Variants in IQSEC3 observed in about 807,000 individuals in gnomAD.
IQSEC3 encodes IQ motif and SEC7 domain-containing protein 3.
In IQSEC3, 50 loss-of-function variants were observed where a neutral mutation model predicts 105.4. The observed-to-expected ratio is 0.47, with a 90% confidence interval of 0.38 to 0.60. The LOEUF is 0.60. Ranked by LOEUF, IQSEC3 falls within the 20% of genes least tolerant of loss-of-function variation. The pLI is 0.00. For missense variants in IQSEC3, 1,415 were observed against 1,630.0 expected, an observed-to-expected ratio of 0.87 and a Z score of 2.27; for synonymous variants, 708 against 746.0, an observed-to-expected ratio of 0.95 and a Z score of 0.83.
intron 5 of IQSEC3, chr12:141,591 AGGAAAAGGAAAG>A: frequency 3.0e-6 from 1 of 331,988 alleles, no homozygotes; most frequent in Non-Finnish European, 5.5e-6. Context: ...AAGAGAAACC[AGGAAAAGGAAAG>A]GGCTTGTGTC....
chr12:138,566 C>T lies in IQSEC3; in HGVS notation c.1203C>T (p.Ser401=), dbSNP rs2136997331. Residue 401 remains serine, a synonymous_variant, in exon 4 of 14, where the codon TCC becomes TCT. Transcript: ENST00000538872. This position sits in a 1 kb window ranked among gnomAD's most constrained non-coding sequence, Gnocchi z 7.1. The part of the protein sequence containing the change: ...FAGTLTELED[S]FTEQVQSLAK... ...GCACCCTCACCGAGCTGGAGGACTC[C>T]TTCACCGAGCAGGTGCAATCCCTGG... is the stretch of plus-strand genomic sequence containing the variant. 1.3e-6 allele frequency: 2 copies of T among 1,585,340 alleles called. No individual in the cohort carries two copies. The highest frequency in any genetic ancestry group is 1.7e-6 in the Non-Finnish European group (2 of 1,173,120).
chr12:137,646 A>AAAGAAG (rs1491034438), intron 3 of IQSEC3: 11 of 144,530 alleles, frequency 7.6e-5, no homozygotes, highest in Non-Finnish European at 1.2e-4. Flanking sequence ...AAAAAAAAAA[A>AAAGAAG]AGAAGAAAAG....
chr12:84,558 G>A (rs1555071562), intron 1 of IQSEC3, among the ~76,000 whole-genome samples: 1 of 152,226 alleles, frequency 6.6e-6, no homozygotes, highest in Non-Finnish European at 1.5e-5. Context: ...GGACCTATGT[G>A]CATTGTTGTA....
chr12:139,340 C>G lies in IQSEC3; in HGVS notation c.1977C>G (p.Leu659=), dbSNP rs1251328048. Residue 659 remains leucine (L), a synonymous_variant, in exon 4 of 14, where the codon CTC becomes CTG. Coordinates refer to ENST00000538872, the MANE Select transcript of IQSEC3 (RefSeq NM_001170738.2). ...TLRKRLYRIG[L]NLFNINPDKG... is the part of the protein sequence containing the mutation. The stretch of plus-strand genomic sequence containing the variant: ...GCAAGCGGCTCTACCGCATCGGCCT[C>G]AACCTCTTCAACATGTAAGTCAGCC... 1.3e-6 allele frequency: 2 copies of G among 1,570,114 alleles called. No homozygotes were observed. The highest frequency in any genetic ancestry group is 1.7e-6 in the Non-Finnish European group (2 of 1,157,812).
intron 1 of IQSEC3, among the ~76,000 whole-genome samples, chr12:82,543 G>C (rs543382603): frequency 6.6e-6 from 1 of 152,272 alleles, no homozygotes; most frequent in South Asian, 2.1e-4. Flanking sequence ...TACACATGCT[G>C]ACCGTCCACC....
chr12:165,196 C>T (rs782101757), intron 9 of IQSEC3: 3 of 555,116 alleles, frequency 5.4e-6, no homozygotes, highest in Non-Finnish European at 9.7e-6. Flanking sequence ...GTTTTACAGG[C>T]CAGCTCAGGC....
chr12:83,127 T>C (rs1347372012), intron 1 of IQSEC3, among the ~76,000 whole-genome samples: 4 of 152,094 alleles, frequency 2.6e-5, no homozygotes, highest in African/African-American at 9.7e-5. Context: ...AATTAAAATG[T>C]GATGAGCTGG....
chr12:143,129 C>T (rs898587720), intron 5 of IQSEC3: 1 of 152,558 alleles, frequency 6.6e-6, no homozygotes, highest in African/African-American at 2.4e-5. Flanking sequence ...ACTAATTGCC[C>T]TCTTCCCTGG....
At chr12:122,547 G>T (rs1865255097) in intron 2 of IQSEC3, among the ~76,000 whole-genome samples, 1 of 152,244 alleles carries the variant, frequency 6.6e-6, no homozygotes, top group Non-Finnish European at 1.5e-5. Flanking sequence ...CCCCAGGAAA[G>T]GGCTGTAGAG....
intron 1 of IQSEC3, among the ~76,000 whole-genome samples, chr12:82,757 C>T (rs1433687640): frequency 6.6e-6 from 1 of 152,210 alleles, no homozygotes; most frequent in Admixed American, 6.5e-5. Flanking sequence ...TTCCAAGCAA[C>T]GTGAGGTTGC....
At chr12:88,970 A>G (rs1864000824) in intron 1 of IQSEC3, among the ~76,000 whole-genome samples, 1 of 152,188 alleles carries the variant, frequency 6.6e-6, no homozygotes, top group Non-Finnish European at 1.5e-5. Flanking sequence ...TTCATATTCA[A>G]GTCTTGCTTG....
chr12:174,576 T>C (rs892790181), intron 13 of IQSEC3, 23 bp from the exon 14 acceptor site: 13 of 1,513,124 alleles, frequency 8.6e-6, no homozygotes, highest in Non-Finnish European at 1.1e-5. Context: ...CATTTCATGC[T>C]TCTCTGGCTG....
chr12:154,921 C>T (rs984328695), intron 5 of IQSEC3, among the ~76,000 whole-genome samples: 2 of 150,888 alleles, frequency 1.3e-5, no homozygotes, highest in Non-Finnish European at 2.9e-5. Context: ...TTCGCTGCCC[C>T]GCCCCATCTC....
chr12:94,971 C>T (rs1294395390), intron 1 of IQSEC3, among the ~76,000 whole-genome samples: 2 of 152,186 alleles, frequency 1.3e-5, no homozygotes, highest in African/African-American at 4.8e-5. Context: ...GGGGTGTAGG[C>T]TCTCCACTGT....
intron 2 of IQSEC3, 50 bp from the exon 3 acceptor site, chr12:125,583 C>CA: frequency 6.9e-7 from 1 of 1,447,662 alleles, no homozygotes; most frequent in Non-Finnish European, 9.0e-7. Flanking sequence ...CATCCACACG[C>CA]ACCCTGTCGC....
At chr12:159,695 G>A (rs1555095575) in intron 7 of IQSEC3, among the ~76,000 whole-genome samples, 2 of 152,160 alleles carry the variant, frequency 1.3e-5, no homozygotes, top group African/African-American at 2.4e-5. Flanking sequence ...TCACGATGAT[G>A]CATCTTGCTA....
At chr12:136,962 G>C (rs1382777275) in intron 3 of IQSEC3, among the ~76,000 whole-genome samples, 11 of 152,268 alleles carry the variant, frequency 7.2e-5, no homozygotes, top group Non-Finnish European at 1.5e-4. Context: ...GGACAGAGCC[G>C]AGAGGAGGCA....
chr12:83,248 C>T (rs1863807154), intron 1 of IQSEC3, among the ~76,000 whole-genome samples: 2 of 152,184 alleles, frequency 1.3e-5, no homozygotes, highest in South Asian at 4.1e-4. Flanking sequence ...ACATTCATTT[C>T]ACAAGTATTT....
chr12:151,599 A>G (rs913055022), intron 5 of IQSEC3, among the ~76,000 whole-genome samples: 3 of 152,134 alleles, frequency 2.0e-5, no homozygotes, highest in Non-Finnish European at 4.4e-5. Flanking sequence ...ATCTTCTTAG[A>G]ACAAACAGGA....
Sources: allele counts gnomAD v4.1 joint callset (sites outside exome capture counted in the v4.1 genomes callset), GRCh38; gene constraint gnomAD v4.1.1; non-coding constraint Gnocchi (gnomAD v3.1); transcripts MANE v1.5; gene names NCBI Gene and HGNC (gene_info 2026-07-23, HGNC 2026-07-21).